Variants in C10orf67 observed in about 807,000 individuals in gnomAD.
C10orf67 encodes the protein uncharacterized protein C10orf67, mitochondrial.
C10orf67 carries 60 observed loss-of-function variants against 35.6 expected under a neutral mutation model. That is an observed-to-expected ratio of 1.68 (90% CI 1.37 to 2.09). C10orf67 has a LOEUF of 2.09. Among genes scored for constraint, C10orf67 ranks in the 30% most tolerant of loss-of-function variants. The pLI is 0.00. For synonymous variants in C10orf67, 167 were observed against 115.8 expected (o/e 1.44, Z -2.84); for missense variants, 474 against 330.2 (o/e 1.44, Z -3.38).
At chr10:23,231,952 G>A (rs185265271) in intron 13 of C10orf67, among the ~76,000 whole-genome samples, 16 of 151,332 alleles carry the variant, frequency 1.1e-4, no homozygotes, top group African/African-American at 1.7e-4. Flanking sequence ...CTTAAAAACC[G>A]GCAAAATTCA....
intron 4 of C10orf67, among the ~76,000 whole-genome samples, chr10:23,311,815 T>C (rs1844511313): frequency 6.6e-6 from 1 of 152,186 alleles, no homozygotes; most frequent in Admixed American, 6.5e-5. Context: ...ATTGTCTCAT[T>C]AACTTTCTAA....
At chr10:23,339,458 C>T (rs11013404) in intron 1 of C10orf67, among the ~76,000 whole-genome samples, 18,094 of 145,652 alleles carry the variant, frequency 0.12, 2,038 homozygotes, top group East Asian at 0.64. Context: ...CTTCCAGGAA[C>T]GAACATTTGG....
intron 2 of C10orf67, among the ~76,000 whole-genome samples, chr10:23,330,505 C>A (rs184030508): frequency 6.6e-6 from 1 of 152,192 alleles, no homozygotes; most frequent in Non-Finnish European, 1.5e-5. Flanking sequence ...CTTTGGGAGG[C>A]CGAGGCAGAT....
intron 13 of C10orf67, among the ~76,000 whole-genome samples, chr10:23,234,444 G>T (rs1408679783): frequency 6.6e-6 from 1 of 152,146 alleles, no homozygotes; most frequent in African/African-American, 2.4e-5. Context: ...AATACTGCAT[G>T]TTCTCCCTTA....
chr10:23,322,776 C>T (rs1845010743), intron 2 of C10orf67, among the ~76,000 whole-genome samples: 1 of 152,050 alleles, frequency 6.6e-6, no homozygotes. Flanking sequence ...CAACAAACTC[C>T]TGTGACATGA....
chr10:23,326,681 A>C (rs942021417), intron 2 of C10orf67, among the ~76,000 whole-genome samples: 1 of 152,164 alleles, frequency 6.6e-6, no homozygotes, highest in Non-Finnish European at 1.5e-5. Context: ...TAATAGATGC[A>C]ATACGTATGA....
At chr10:23,273,102 T>C (rs571549736) in intron 8 of C10orf67, among the ~76,000 whole-genome samples, 8 of 152,208 alleles carry the variant, frequency 5.3e-5, no homozygotes, top group African/African-American at 1.9e-4. Flanking sequence ...GGATTTCCTA[T>C]AGAGATGATC....
At chr10:23,250,791 C>A (rs149994886) in intron 10 of C10orf67, 100 bp from the exon 11 acceptor site, 6,075 of 396,354 alleles carry the variant, frequency 0.015, 67 homozygotes, top group Non-Finnish European at 0.02. Flanking sequence ...TATGCATACT[C>A]TAACTACTAT....
At chr10:23,329,237 A>G (rs1845332409) in intron 2 of C10orf67, among the ~76,000 whole-genome samples, 1 of 151,998 alleles carries the variant, frequency 6.6e-6, no homozygotes, top group African/African-American at 2.4e-5. Flanking sequence ...ATCAGACAAC[A>G]TTAAACATTT....
intron 8 of C10orf67, among the ~76,000 whole-genome samples, chr10:23,276,281 C>T (rs991858889): frequency 6.6e-5 from 10 of 152,136 alleles, no homozygotes; most frequent in African/African-American, 2.4e-4. Context: ...TAGCTCCTTC[C>T]TCAACTCTGT....
chr10:23,205,195 A>G (rs542182106), intron 15 of C10orf67, among the ~76,000 whole-genome samples: 1 of 152,318 alleles, frequency 6.6e-6, no homozygotes, highest in South Asian at 2.1e-4. Flanking sequence ...TTTCTAGTCA[A>G]GTATCAACCA....
chr10:23,297,801 C>G (rs1018776073), intron 5 of C10orf67, among the ~76,000 whole-genome samples: 3 of 152,298 alleles, frequency 2.0e-5, no homozygotes, highest in Non-Finnish European at 1.5e-5. Flanking sequence ...AGTAATAGAG[C>G]CTGATATTTA....
chr10:23,246,655 G>A (rs1163002938), intron 12 of C10orf67, among the ~76,000 whole-genome samples: 1 of 152,174 alleles, frequency 6.6e-6, no homozygotes, highest in South Asian at 2.1e-4. Context: ...GATTATAATG[G>A]AGCTGAAAAG....
At chr10:23,235,985 A>C (rs534041215) in intron 13 of C10orf67, among the ~76,000 whole-genome samples, 53 of 152,184 alleles carry the variant, frequency 3.5e-4, no homozygotes, top group Admixed American at 1.3e-3. Flanking sequence ...ATGGTGGCTC[A>C]AGCCTGTAAT....
rs1844831514 is a variant in C10orf67 at position 23,318,747 on chromosome 10, GTGGCT to G, written c.546+1989_546+1993del. On this transcript the variant is annotated intron_variant, in intron 4 of 15. Coordinates refer to ENST00000636213, the MANE Select transcript of C10orf67 (RefSeq NM_001371909.1). ...CAAGTAACTGAAAAGCCAACTAACA[GTGGCT>G]TAGACACTGAGGGGTTGTTATCTCA... 12 of 616,126 alleles carry G rather than the reference GTGGCT, an allele frequency of 1.9e-5. No individual in the cohort carries two copies. In the Admixed American group the frequency reaches 2.8e-4, roughly 15 times the overall value. 38.2% of individuals were successfully genotyped at this position (616,126 alleles called of 1,614,324 possible).
intron 4 of C10orf67, among the ~76,000 whole-genome samples, chr10:23,314,076 G>A (rs1303632852): frequency 1.3e-5 from 2 of 152,038 alleles, no homozygotes; most frequent in South Asian, 2.1e-4. Context: ...TAATCTCAGC[G>A]ATTTGGGAGG....
rs371863626 is a variant in C10orf67 at position 23,225,883 on chromosome 10, AC to A, written c.1435-2066del. On this transcript the variant is annotated intron_variant, in intron 13 of 15. Transcript: ENST00000636213. ...AGATTCATAAAGCAAGTCCTTAGAG[AC>A]CTACAAAGAGACTTAGACTCCCACA... Among the ~76,000 whole-genome samples the A allele has an allele frequency of 2.2e-3, 342 of 152,282 alleles. 12 individuals are homozygous for A. The East Asian group carries it at 0.036, about 16-fold the overall frequency.
At chr10:23,331,973 G>A (rs1183703341) in intron 2 of C10orf67, among the ~76,000 whole-genome samples, 2 of 152,210 alleles carry the variant, frequency 1.3e-5, no homozygotes, top group African/African-American at 2.4e-5. Flanking sequence ...AAAGTTACTA[G>A]CGGGAGTGTA....
intron 13 of C10orf67, among the ~76,000 whole-genome samples, chr10:23,237,339 C>T (rs777616372): frequency 4.6e-5 from 7 of 152,072 alleles, no homozygotes; most frequent in Non-Finnish European, 7.4e-5. Context: ...GGTGCAGCAA[C>T]GAACATGTGC....
Sources: allele counts gnomAD v4.1 joint callset (sites outside exome capture counted in the v4.1 genomes callset), GRCh38; gene constraint gnomAD v4.1.1; transcripts MANE v1.5; gene names NCBI Gene and HGNC (gene_info 2026-07-23, HGNC 2026-07-21).